Variants in ASB15 observed in about 807,000 individuals in gnomAD.
ASB15 encodes ankyrin repeat and SOCS box protein 15.
A neutral mutation model predicts 58.0 loss-of-function variants in ASB15; 54 were observed. The observed-to-expected ratio is 0.93, with a 90% CI of 0.75 to 1.17. The LOEUF is 1.17. ASB15 is among the 50% of genes most tolerant of loss of function. ASB15 has a pLI of 0.00. For synonymous variants in ASB15, 249 were observed against 262.4 expected, an observed-to-expected ratio of 0.95 and a Z score of 0.50; for missense variants, 680 against 707.4, an observed-to-expected ratio of 0.96 and a Z score of 0.44.
intron 1 of ASB15, among the ~76,000 whole-genome samples, chr7:123,580,486 A>C (rs941203738): frequency 6.6e-6 from 1 of 151,930 alleles, no homozygotes; most frequent in Non-Finnish European, 1.5e-5. Context: ...ATTTTACTTA[A>C]CCCCCTAAGC....
At chr7:123,623,481 G>GTAC (rs1364160761) in intron 7 of ASB15, among the ~76,000 whole-genome samples, 2 of 152,092 alleles carry the variant, frequency 1.3e-5, no homozygotes, top group African/African-American at 4.8e-5. Flanking sequence ...CTCCTTAATT[G>GTAC]TACTACATTA....
intron 3 of ASB15, 196 bp from the exon 4 acceptor site, chr7:123,614,305 C>A (rs1373292475): frequency 1.0e-5 from 5 of 480,164 alleles, no homozygotes; most frequent in Non-Finnish European, 1.4e-5. Flanking sequence ...AAGGTTTCAA[C>A]AGTTAGACCA....
At chr7:123,584,010 C>T (rs974434074) in intron 1 of ASB15, among the ~76,000 whole-genome samples, 4 of 151,868 alleles carry the variant, frequency 2.6e-5, no homozygotes, top group Non-Finnish European at 4.4e-5. Context: ...TGGTTAGCCC[C>T]GGAGTTCATC....
chr7:123,581,609 T>G (rs805788), intron 1 of ASB15, among the ~76,000 whole-genome samples: 34,916 of 151,692 alleles, frequency 0.23, 4,152 homozygotes, highest in East Asian at 0.4. Flanking sequence ...TAAACTGATA[T>G]ACATCAAATT....
At position 123,594,816 on chromosome 7, in the gene ASB15, A is replaced by G. The variant is rs1799648499; in HGVS notation, c.-442-9216A>G. 2.0e-5 allele frequency among the ~76,000 whole-genome samples: 3 copies of G among 152,202 alleles called. No individual in the cohort carries two copies. In the South Asian group the frequency reaches 6.2e-4, roughly 32 times the overall value. The stretch of plus-strand genomic sequence containing the variant: ...TGCTGGGAGAACCACTGCTCTCTTC[A>G]GAGCTGTCAGGCAGGGACGTTTAAG... On this transcript the variant is annotated intron_variant, in intron 1 of 13. Transcript: ENST00000451558.
At chr7:123,601,699 G>C (rs575292463), upstream of ASB15, among the ~76,000 whole-genome samples, 1 of 152,154 alleles carries the variant, frequency 6.6e-6, no homozygotes, top group African/African-American at 2.4e-5. Flanking sequence ...GTAGGCTTGC[G>C]TTTCTTTTGA....
chr7:123,569,777 T>C (rs1171516453), intron 1 of ASB15, among the ~76,000 whole-genome samples: 1 of 152,096 alleles, frequency 6.6e-6, no homozygotes, highest in Non-Finnish European at 1.5e-5. Flanking sequence ...GCAGGGGACA[T>C]GTAGGAAACA....
intron 6 of ASB15, among the ~76,000 whole-genome samples, chr7:123,616,775 T>G (rs930174959): frequency 6.6e-6 from 1 of 151,964 alleles, no homozygotes; most frequent in African/African-American, 2.4e-5. Context: ...AGTTTCTATA[T>G]ATCATGAATT....
intron 1 of ASB15, among the ~76,000 whole-genome samples, chr7:123,596,123 C>G (rs1799684362): frequency 6.6e-6 from 1 of 151,982 alleles, no homozygotes; most frequent in Non-Finnish European, 1.5e-5. Context: ...AATCATCACA[C>G]TTTTTCTAGT....
At chr7:123,625,050 T>G (rs1051982752) in intron 8 of ASB15, 18 of 491,024 alleles carry the variant, frequency 3.7e-5, no homozygotes, top group African/African-American at 1.7e-4. Flanking sequence ...GATTGCTCTC[T>G]CGAGAGACAG....
chr7:123,581,798 T>C (rs1420203086), intron 1 of ASB15, among the ~76,000 whole-genome samples: 1 of 151,944 alleles, frequency 6.6e-6, no homozygotes, highest in South Asian at 2.1e-4. Context: ...GTTTGTATAT[T>C]TTCTCCCTTT....
At chr7:123,607,135 C>T (rs1003778709) in intron 2 of ASB15, among the ~76,000 whole-genome samples, 6 of 152,018 alleles carry the variant, frequency 3.9e-5, no homozygotes, top group African/African-American at 7.2e-5. Flanking sequence ...ATACATATGT[C>T]GAATTATCAA....
At chr7:123,620,797 C>T (rs549356433) in intron 7 of ASB15, among the ~76,000 whole-genome samples, 1 of 151,052 alleles carries the variant, frequency 6.6e-6, no homozygotes, top group South Asian at 2.1e-4. Flanking sequence ...CTCCTGACCT[C>T]GTGATCCGCC....
At position 123,638,937 on chromosome 7, in the gene ASB15, A is replaced by G. The variant is rs1328842146; in HGVS notation, c.*1956A>G. 1 of 152,196 alleles carries G rather than the reference A, an allele frequency of 6.6e-6. No individual in the cohort carries two copies. Among genetic ancestry groups the G allele is most frequent in the Non-Finnish European group, 1.5e-5 (1 of 68,032 alleles). The allele number at this position is 152,196 out of a possible 1,614,324, so 9.4% of individuals were successfully genotyped here. ...GTTTTCCAGTGCTTTCTCAGGGCCAAACACATTCCCTAGAGCATGGAGTTC... is the reference window on the plus strand; with the variant it reads ...GTTTTCCAGTGCTTTCTCAGGGCCAGACACATTCCCTAGAGCATGGAGTTC... On this transcript the variant is annotated 3_prime_UTR_variant, in exon 12 of 12. Transcript: ENST00000451215.
chr7:123,620,527 TATATATATATATATATATATATA>T (rs1562933208), intron 7 of ASB15, among the ~76,000 whole-genome samples: 13 of 18,320 alleles, frequency 7.1e-4, no homozygotes, highest in East Asian at 3.9e-3. Flanking sequence ...TATATATATA[TATATATATATATATATATATATA>T]TATATTTTTT....
chr7:123,637,886 A>AAAAAAAAAAAAAAAAAAAAAAC lies in ASB15; in HGVS notation c.*919_*920insAAAAAAACAAAAAAAAAAAAAA, dbSNP rs1802505118. Reference sequence around the variant, plus strand: ...CATGTCCCCAGATGAACTAAAAAAAAAAAAAAAAAAAAAACCTCTTTCCCG... The same window carrying AAAAAAAAAAAAAAAAAAAAAAC: ...CATGTCCCCAGATGAACTAAAAAAAAAAAAAAAAAAAAAAAAAAAAACAAAAAAAAAAAAAACCTCTTTCCCG... On this transcript the variant is annotated 3_prime_UTR_variant, in exon 12 of 12. Transcript: ENST00000451215. 6.7e-6 allele frequency: 1 copy of AAAAAAAAAAAAAAAAAAAAAAC among 148,334 alleles called. No individual in the cohort carries two copies. The highest frequency in any genetic ancestry group is 1.5e-5 in the Non-Finnish European group (1 of 67,204). The allele number at this position is 148,334 out of a possible 1,614,324, so 9.2% of individuals were successfully genotyped here.
At chr7:123,596,094 T>C (rs928920644) in intron 1 of ASB15, among the ~76,000 whole-genome samples, 4 of 152,110 alleles carry the variant, frequency 2.6e-5, no homozygotes, top group African/African-American at 9.7e-5. Flanking sequence ...CTACTAAAGA[T>C]AAATCTAAAA....
chr7:123,600,866 G>A (rs1303252772), upstream of ASB15, among the ~76,000 whole-genome samples: 1 of 152,098 alleles, frequency 6.6e-6, no homozygotes, highest in East Asian at 1.9e-4. Context: ...GAGATGAGAC[G>A]AAAAACAAAA....
chr7:123,605,801 A>G (rs182033762), intron 2 of ASB15, among the ~76,000 whole-genome samples: 20 of 152,280 alleles, frequency 1.3e-4, no homozygotes, highest in African/African-American at 4.3e-4. Flanking sequence ...CTGTGAGTAC[A>G]TACGGACACA....
Sources: gnomAD v4.1 joint callset for allele counts (sites outside exome capture counted in the v4.1 genomes callset) on GRCh38, gnomAD v4.1.1 for gene constraint, MANE v1.5 for transcripts, NCBI Gene and HGNC (gene_info 2026-07-23, HGNC 2026-07-21) for gene names.